The following ARHGAP27 variants were observed in gnomAD, a reference collection of about 807,000 sequenced individuals.
ARHGAP27 encodes the protein rho GTPase-activating protein 27.
ARHGAP27 carries 53 observed loss-of-function variants against 102.0 expected under a neutral mutation model. That is an observed-to-expected ratio of 0.52 (90% CI 0.42 to 0.65). The LOEUF is 0.65. Ranked by LOEUF, ARHGAP27 falls within the 30% of genes least tolerant of loss-of-function variation. The probability of loss-of-function intolerance (pLI) is 0.00; values close to 1 mark genes in which losing one functional copy is unlikely to be tolerated. For missense variants in ARHGAP27, 1,117 were observed against 1,256.2 expected (o/e 0.89, Z 1.68); for synonymous variants, 525 against 542.8 (o/e 0.97, Z 0.46).
At chr17:45,413,016 G>T (rs1263233298) in intron 4 of ARHGAP27, among the ~76,000 whole-genome samples, 6 of 108,644 alleles carry the variant, frequency 5.5e-5, no homozygotes, top group Admixed American at 5.4e-4. Flanking sequence ...GTCTCACTCT[G>T]TCACCCAGGC....
intron 4 of ARHGAP27, among the ~76,000 whole-genome samples, chr17:45,428,447 A>G (rs886751177): frequency 6.6e-6 from 1 of 152,214 alleles, no homozygotes; most frequent in African/African-American, 2.4e-5. Flanking sequence ...GTGTAAGTTA[A>G]GTGGCTGTCA....
intron 4 of ARHGAP27, among the ~76,000 whole-genome samples, chr17:45,413,120 C>T (rs1401928983): frequency 6.6e-6 from 1 of 151,374 alleles, no homozygotes; most frequent in African/African-American, 2.4e-5. Context: ...GCTAGGATTA[C>T]AGGTGCCTGC....
At chr17:45,400,636 C>T (rs958455835) in intron 12 of ARHGAP27, among the ~76,000 whole-genome samples, 6 of 152,128 alleles carry the variant, frequency 3.9e-5, no homozygotes, top group East Asian at 1.9e-4. Flanking sequence ...TGTCTCAGAC[C>T]GGGCATGGTG....
rs571517249 is a variant in ARHGAP27, at chr17:45,420,860, A to G, written c.657+8763T>C. 2.7e-5 allele frequency among the ~76,000 whole-genome samples: 4 copies of G among 150,068 alleles called. No homozygotes were observed. In the South Asian group the frequency reaches 8.7e-4, roughly 33 times the overall value. ...TCCCAGCTACTCAGGAGGCTGAGGC[A>G]GAATGGCGTGAACCCGGGAAGCGGA... On this transcript the variant is annotated intron_variant, in intron 4 of 19. Coordinates refer to ENST00000685559, the MANE Select transcript of ARHGAP27 (RefSeq NM_001282290.2).
chr17:45,410,566 C>G, intron 4 of ARHGAP27: 1 of 580,748 alleles, frequency 1.7e-6, no homozygotes, highest in Non-Finnish European at 2.6e-6. Context: ...GAGCCGCATC[C>G]GAGGCCCAGA....
At chr17:45,410,298 T>C in intron 4 of ARHGAP27, 1 of 1,523,964 alleles carries the variant, frequency 6.6e-7, no homozygotes. Flanking sequence ...TCCTGGCCCC[T>C]CTGAACTGCC....
intron 4 of ARHGAP27, among the ~76,000 whole-genome samples, chr17:45,419,125 C>A (rs1293273966): frequency 6.6e-6 from 1 of 152,086 alleles, no homozygotes. Flanking sequence ...CCAGCACAGC[C>A]GGGACCCAGG....
At chr17:45,426,308 G>C (rs901159552) in intron 4 of ARHGAP27, among the ~76,000 whole-genome samples, 1 of 152,110 alleles carries the variant, frequency 6.6e-6, no homozygotes, top group African/African-American at 2.4e-5. Context: ...TTAACCCTGG[G>C]TTACAAGCCT....
rs560214627 is a variant in ARHGAP27 at position 45,427,263 on chromosome 17, G to A, written c.657+2360C>T. Among the ~76,000 whole-genome samples, 6 of 152,208 alleles carry A rather than the reference G, an allele frequency of 3.9e-5. No individual in the cohort carries two copies. Among genetic ancestry groups the A allele is most frequent in the Non-Finnish European group, 5.9e-5 (4 of 68,024 alleles). ...CTGTCTCTGCTAAAAGCCTCACAGC[G>A]GCTGCAGGATAATGTGCACATTCCT... On this transcript the variant is annotated intron_variant, in intron 4 of 19. Coordinates refer to ENST00000685559, the MANE Select transcript of ARHGAP27 (RefSeq NM_001282290.2). This position sits in a 1 kb window ranked among gnomAD's most constrained non-coding sequence, Gnocchi z 4.5.
rs2047115091 is a variant in ARHGAP27 at position 45,405,981 on chromosome 17, T to TC, written c.759dup (p.Thr254AspfsTer27). ...CGCCCGGTGCCCGCGTCCGTGTGCG[T>TC]CTCCCACACCGGGCTGGGAAGGGGG... On this transcript the variant is annotated frameshift_variant, in exon 5 of 20. Coordinates refer to ENST00000685559, the MANE Select transcript of ARHGAP27 (RefSeq NM_001282290.2). LOFTEE classifies it high-confidence loss of function. The TC allele has an allele frequency of 1.3e-5, 20 of 1,535,330 alleles. No individual in the cohort carries two copies. Among genetic ancestry groups the TC allele is most frequent in the Non-Finnish European group, 1.7e-5 (19 of 1,146,664 alleles).
chr17:45,398,311 T>C (rs1459915372), intron 12 of ARHGAP27, among the ~76,000 whole-genome samples: 1 of 152,182 alleles, frequency 6.6e-6, no homozygotes, highest in Non-Finnish European at 1.5e-5. Flanking sequence ...ACACAGCTAG[T>C]GAGTGATGAG....
intron 9 of ARHGAP27, 31 bp from the exon 10 acceptor site, chr17:45,404,127 AGT>A: frequency 6.2e-7 from 1 of 1,613,512 alleles, no homozygotes; most frequent in Non-Finnish European, 8.5e-7. Context: ...CAGGCGCAAG[AGT>A]GTGTAGTTAA....
At chr17:45,399,164 C>T (rs2046115045) in intron 12 of ARHGAP27, among the ~76,000 whole-genome samples, 1 of 152,228 alleles carries the variant, frequency 6.6e-6, no homozygotes, top group Admixed American at 6.5e-5. Flanking sequence ...CACACCAACC[C>T]TGCCCTTTTG....
intron 4 of ARHGAP27, chr17:45,408,637 C>T (rs1233462993): frequency 6.6e-6 from 1 of 152,218 alleles, no homozygotes; most frequent in Non-Finnish European, 1.5e-5. Context: ...CTCACCGGCC[C>T]CCAACAGAAA....
chr17:45,411,185 C>T (rs1436147763), intron 4 of ARHGAP27, among the ~76,000 whole-genome samples: 9 of 152,100 alleles, frequency 5.9e-5, no homozygotes, highest in Non-Finnish European at 8.8e-5. Context: ...TTCACCCCCT[C>T]GTGTGGGGAT....
intron 5 of ARHGAP27, 90 bp downstream of exon 5, chr17:45,405,586 C>A: frequency 6.8e-7 from 1 of 1,476,130 alleles, no homozygotes; most frequent in Admixed American, 2.3e-5. Context: ...TCACCACCCC[C>A]TCACCCGTGT....
chr17:45,431,477 C>A (rs1230970611), intron 3 of ARHGAP27, 144 bp downstream of exon 3: 1 of 241,056 alleles, frequency 4.1e-6, no homozygotes, highest in Non-Finnish European at 8.4e-6. Context: ...AAGCGTTCCT[C>A]GACGAGGAAA....
chr17:45,430,205 G>A lies in ARHGAP27; in HGVS notation c.75C>T (p.Arg25=). ...GCTCATTCGGCCGGATGGCCACGCG[G>A]CGCCCGTCCTTGCCGGTGTACTCGA... The part of the protein sequence containing the change: ...HPFEYTGKDG[R]RVAIRPNERY... The change falls in exon 4 of 20, where the codon CGC becomes CGT. Residue 25 remains arginine (R), a synonymous_variant. Coordinates refer to ENST00000685559, the MANE Select transcript of ARHGAP27 (RefSeq NM_001282290.2). The surrounding 1 kb of genome is among the most constrained non-coding windows in gnomAD (Gnocchi z 4.4). 1 of 1,555,318 alleles carries A rather than the reference G, an allele frequency of 6.4e-7. No homozygotes were observed. The highest frequency in any genetic ancestry group is 8.6e-7 in the Non-Finnish European group (1 of 1,158,342).
In ARHGAP27 at chr17:45,429,983, G is replaced by T. The variant is rs2049933334; in HGVS notation, c.297C>A (p.Ser99Arg). ...CGTCGGGGCCCGCGGTCGCCGCCGC[G>T]CTCACAAACCGGTAGTCGTAGGCGA... ...EPLAYDYRFV[S>R]AAATAGPDGA... The change falls in exon 4 of 20, where the codon AGC (serine) becomes AGA (arginine). Residue 99 changes from serine to arginine, a missense_variant. Coordinates refer to ENST00000685559, the MANE Select transcript of ARHGAP27 (RefSeq NM_001282290.2). 1 of 1,165,444 alleles carries T rather than the reference G, an allele frequency of 8.6e-7. No individual in the cohort carries two copies. Among genetic ancestry groups the T allele is most frequent in the Non-Finnish European group, 1.1e-6 (1 of 947,260 alleles). 72.2% of individuals were successfully genotyped at this position (1,165,444 alleles called of 1,614,324 possible).
Sources: allele counts gnomAD v4.1 joint callset (sites outside exome capture counted in the v4.1 genomes callset), GRCh38; gene constraint gnomAD v4.1.1; non-coding constraint Gnocchi (gnomAD v3.1); transcripts MANE v1.5; gene names NCBI Gene and HGNC (gene_info 2026-07-23, HGNC 2026-07-21).